SLC22A13: variants seen among roughly 807,000 people sequenced by gnomAD.
SLC22A13 encodes solute carrier family 22 member 13.
A neutral mutation model predicts 49.1 loss-of-function variants in SLC22A13; 42 were observed. The ratio of observed to expected loss-of-function variants is 0.85; its 90% CI spans 0.67 to 1.11. The LOEUF (loss-of-function observed/expected upper bound fraction) is 1.11, where lower values mean the gene tolerates loss of function less well. Ranked by LOEUF, SLC22A13 falls within the 50% of genes least tolerant of loss-of-function variation. SLC22A13 has a pLI of 0.00. For missense variants in SLC22A13, 694 were observed against 712.8 expected, an observed-to-expected ratio of 0.97 and a Z score of 0.30; for synonymous variants, 282 against 293.1, an observed-to-expected ratio of 0.96 and a Z score of 0.39.
intron 9 of SLC22A13, 102 bp from the exon 10 acceptor site, chr3:38,277,270 G>T (rs1172577103): frequency 4.4e-6 from 5 of 1,143,792 alleles, no homozygotes; most frequent in African/African-American, 1.5e-5. Context: ...ACATCTGGCT[G>T]GCTTTAGTTC....
At chr3:38,271,741 A>G (rs746285324) in intron 1 of SLC22A13, among the ~76,000 whole-genome samples, 2 of 152,296 alleles carry the variant, frequency 1.3e-5, no homozygotes, top group Non-Finnish European at 2.9e-5. Flanking sequence ...TGGCATATTT[A>G]GGAATGCTGA....
Position 38,274,990 on chromosome 3 carries a change from G to T in SLC22A13, c.639G>T (p.Leu213=). 1 of 1,613,924 alleles carries T rather than the reference G, an allele frequency of 6.2e-7. No homozygotes were observed. Among genetic ancestry groups the T allele is most frequent in the Non-Finnish European group, 8.5e-7 (1 of 1,179,778 alleles). ...AGLSFSNVTL[L]TEWVGPSWRT... ...GTCTCAACCTCTCCATTGCCACAGT[G>T]ACAGAATGGGTGGGGCCCTCATGGA... is the stretch of plus-strand genomic sequence containing the variant. The change falls in exon 4 of 10, where the codon CTG becomes CTT. Residue 213 remains leucine, a splice_region_variant and synonymous_variant. Transcript: ENST00000311856.
At chr3:38,267,601 G>C (rs1703477099) in intron 1 of SLC22A13, among the ~76,000 whole-genome samples, 2 of 152,202 alleles carry the variant, frequency 1.3e-5, no homozygotes. Context: ...ATGCTGGACT[G>C]TTCATGCAAC....
intron 7 of SLC22A13, 86 bp from the exon 8 acceptor site, chr3:38,276,201 G>A (rs1703581871): frequency 6.7e-7 from 1 of 1,491,984 alleles, no homozygotes; most frequent in Non-Finnish European, 9.2e-7. Flanking sequence ...GGCTTCCCGG[G>A]GGTTTGGGTA....
intron 8 of SLC22A13, 48 bp from the exon 9 acceptor site, chr3:38,276,864 C>T (rs1703590209): frequency 6.5e-7 from 1 of 1,533,964 alleles, no homozygotes; most frequent in Non-Finnish European, 8.9e-7. Flanking sequence ...GAAGCTGAGG[C>T]CCAGAGTTGG....
chr3:38,278,752 G>A lies in SLC22A13; in HGVS notation c.*1287G>A, dbSNP rs1490479523. Among the ~76,000 whole-genome samples, 5 of 150,366 alleles carry A rather than the reference G, an allele frequency of 3.3e-5. No individual in the cohort carries two copies. The highest frequency in any genetic ancestry group is 3.9e-4 in the East Asian group (2 of 5,136). On this transcript the variant is annotated 3_prime_UTR_variant, in exon 10 of 10. Coordinates refer to ENST00000311856, the MANE Select transcript of SLC22A13 (RefSeq NM_004256.4). Reference sequence around the variant, plus strand: ...GGAGAATCGCTTGAACCTGGGAGGCGGAGTTTGCAGTGAGCCAAGATCGCA... The same window carrying A: ...GGAGAATCGCTTGAACCTGGGAGGCAGAGTTTGCAGTGAGCCAAGATCGCA...
intron 1 of SLC22A13, among the ~76,000 whole-genome samples, chr3:38,267,501 C>G (rs142454850): frequency 3.7e-4 from 56 of 152,306 alleles, no homozygotes; most frequent in African/African-American, 1.3e-3. Flanking sequence ...GTGTTAAACT[C>G]TCTGCCCACC....
chr3:38,269,859 C>A (rs1703501337), intron 1 of SLC22A13, among the ~76,000 whole-genome samples: 1 of 112,202 alleles, frequency 8.9e-6, no homozygotes, highest in Non-Finnish European at 1.8e-5. Context: ...ACAGCTATCC[C>A]CTCCCCCCTC....
At chr3:38,277,293 C>A in intron 9 of SLC22A13, 79 bp from the exon 10 acceptor site, 2 of 1,236,530 alleles carry the variant, frequency 1.6e-6, no homozygotes, top group Non-Finnish European at 2.3e-6. Context: ...ATTCCCCTTA[C>A]TTTGAGGAGG....
rs76740609 is a variant in SLC22A13, at chr3:38,276,319, G to A, written c.1270G>A (p.Val424Met). The A allele has an allele frequency of 8.1e-6, 13 of 1,613,628 alleles. No individual in the cohort carries two copies. The highest frequency in any genetic ancestry group is 1.1e-5 in the South Asian group (1 of 91,030). The change falls in exon 8 of 10, where the codon GTG becomes ATG. Residue 424 changes from valine (V) to methionine (M), a missense_variant. Val to Met is a conservative substitution (Grantham distance 21). Coordinates refer to ENST00000311856, the MANE Select transcript of SLC22A13 (RefSeq NM_004256.4). ...LPVVVTMLAV[V>M]GKMATAAAFT... ...CGTGGTGGTCACCATGCTGGCTGTG[G>A]TGGGGAAGATGGCCACAGCTGCTGC...
chr3:38,274,534 C>T, intron 2 of SLC22A13, 70 bp from the exon 3 acceptor site: 1 of 1,548,710 alleles, frequency 6.5e-7, no homozygotes, highest in Admixed American at 1.7e-5. Flanking sequence ...AGGGCTGGGC[C>T]CCCTTGCGGC....
chr3:38,277,422 C>G lies in SLC22A13; in HGVS notation c.1613C>G (p.Thr538Ser), dbSNP rs749256495. Residue 538 changes from threonine to serine, a missense_variant, in exon 10 of 10, where the codon ACT becomes AGT. Coordinates refer to ENST00000311856, the MANE Select transcript of SLC22A13 (RefSeq NM_004256.4). ...SEKETEAKGR[T>S]SSPGVAFVSS... ...AAGGAAACAGAGGCCAAGGGAAGAA[C>G]TTCCAGCCCGGGAGTGGCCTTTGTG... 2 of 1,614,040 alleles carry G rather than the reference C, an allele frequency of 1.2e-6. No homozygotes were observed. The highest frequency in any genetic ancestry group is 4.5e-5 in the East Asian group (2 of 44,898).
Position 38,275,488 on chromosome 3 carries a change from C to T in SLC22A13, c.925C>T (p.Gln309Ter), listed in dbSNP as rs756738214. The T allele has an allele frequency of 3.1e-6, 5 of 1,614,232 alleles. No homozygotes were observed. In the South Asian group the frequency reaches 5.5e-5, roughly 18 times the overall value. ...RRKLSPELMNQLVPEKTGPSG... is the reference protein window; with the variant it reads ...RRKLSPELMN The stretch of plus-strand genomic sequence containing the variant: ...GAAACTCTCCCCGGAGCTCATGAAC[C>T]AGGTACTTCCAGCAGGCCCAGGCCC... Residue 309 changes from glutamine to a stop codon, truncating the protein, a stop_gained and splice_region_variant, in exon 5 of 10, where the codon CAG becomes TAG. Coordinates refer to ENST00000311856, the MANE Select transcript of SLC22A13 (RefSeq NM_004256.4). LOFTEE classifies it high-confidence loss of function.
Position 38,274,765 on chromosome 3 carries a change from G to A in SLC22A13, c.637+7G>A. The A allele has an allele frequency of 2.5e-6, 4 of 1,611,806 alleles. No homozygotes were observed. The highest frequency in any genetic ancestry group is 2.5e-6 in the Non-Finnish European group (3 of 1,178,658). ...TTCAGCAATGTCACCCTACGTGAGT[G>A]TCTGGGCCCTGGAGCCTTCAGCCAT... On this transcript the variant is annotated splice_region_variant and intron_variant, in intron 3 of 9. Coordinates refer to ENST00000311856, the MANE Select transcript of SLC22A13 (RefSeq NM_004256.4).
At position 38,276,298 on chromosome 3, in the gene SLC22A13, G is replaced by T; in HGVS notation, c.1249G>T (p.Val417Leu). The change falls in exon 8 of 10, where the codon GTG becomes TTG. Residue 417 changes from valine (V) to leucine (L), a missense_variant. Val to Leu is a conservative substitution (Grantham distance 32). Transcript: ENST00000311856. ...IIFIPADLPV[V>L]VTMLAVVGKM... ...CTACCCTCTGCCAGATCTGCCCGTGGTGGTCACCATGCTGGCTGTGGTGGG... is the reference window on the plus strand; with the variant it reads ...CTACCCTCTGCCAGATCTGCCCGTGTTGGTCACCATGCTGGCTGTGGTGGG... 1 of 1,612,864 alleles carries T rather than the reference G, an allele frequency of 6.2e-7. No individual in the cohort carries two copies. Among genetic ancestry groups the T allele is most frequent in the South Asian group, 1.1e-5 (1 of 90,902 alleles).
At chr3:38,271,707 G>C (rs1342096001) in intron 1 of SLC22A13, among the ~76,000 whole-genome samples, 1 of 152,132 alleles carries the variant, frequency 6.6e-6, no homozygotes, top group East Asian at 1.9e-4. Context: ...AACCATTTCT[G>C]GGGTCTGGAG....
At position 38,274,269 on chromosome 3, in the gene SLC22A13, C is replaced by T; in HGVS notation, c.379-3C>T. On this transcript the variant is annotated splice_polypyrimidine_tract_variant and splice_region_variant and intron_variant, in intron 1 of 9. Transcript: ENST00000311856. ...GACTCACATCTGCCTGTGTCTCCCT[C>T]AGTTCAACCTGGTTTGTGATCGGAA... The T allele has an allele frequency of 1.9e-6, 3 of 1,611,570 alleles. No homozygotes were observed. The South Asian group carries it at 3.3e-5, about 18-fold the overall frequency.
At chr3:38,269,950 G>A (rs994711459) in intron 1 of SLC22A13, among the ~76,000 whole-genome samples, 2 of 141,178 alleles carry the variant, frequency 1.4e-5, no homozygotes, top group Non-Finnish European at 3.0e-5. Context: ...TCCCACCTAT[G>A]AGTGAGAATA....
intron 1 of SLC22A13, among the ~76,000 whole-genome samples, chr3:38,271,420 G>T (rs1362028592): frequency 6.6e-6 from 1 of 151,810 alleles, no homozygotes; most frequent in African/African-American, 2.4e-5. Flanking sequence ...AAAATAATCA[G>T]CCAGGCATGG....
Sources: gnomAD v4.1 joint callset for allele counts (sites outside exome capture counted in the v4.1 genomes callset) on GRCh38, gnomAD v4.1.1 for gene constraint, MANE v1.5 for transcripts, NCBI Gene and HGNC (gene_info 2026-07-23, HGNC 2026-07-21) for gene names.